The following BRCA2 variants were observed in gnomAD, a reference collection of about 807,000 sequenced individuals.
The protein encoded by BRCA2 is BRCA2 DNA repair associated, also known as breast cancer type 2 susceptibility protein.
BRCA2 carries 203 observed loss-of-function variants against 276.7 expected under a neutral mutation model. That is an observed-to-expected ratio of 0.73 (90% CI 0.65 to 0.82). The LOEUF (loss-of-function observed/expected upper bound fraction) is 0.82. Among genes scored for constraint, BRCA2 ranks in the 40% least tolerant of loss-of-function variants. The pLI is 0.00. For synonymous variants in BRCA2, 1,289 were observed against 1,338.4 expected, an observed-to-expected ratio of 0.96 and a Z score of 0.81; for missense variants, 3,920 against 3,915.0, an observed-to-expected ratio of 1.00 and a Z score of -0.03.
intron 13 of BRCA2, among the ~76,000 whole-genome samples, chr13:32,354,547 TG>T (rs1176879719): frequency 6.6e-6 from 1 of 151,934 alleles, no homozygotes; most frequent in Non-Finnish European, 1.5e-5. Flanking sequence ...GATGTGAAGG[TG>T]AGAGAAGAGG....
At chr13:32,354,464 G>A (rs2072672836) in intron 13 of BRCA2, among the ~76,000 whole-genome samples, 2 of 152,110 alleles carry the variant, frequency 1.3e-5, no homozygotes, top group African/African-American at 2.4e-5. Context: ...AAAAGGGAGC[G>A]AGGTGGGATA....
chr13:32,334,814 G>C (rs1187157519), intron 10 of BRCA2, among the ~76,000 whole-genome samples: 5 of 152,114 alleles, frequency 3.3e-5, no homozygotes, highest in Admixed American at 3.3e-4. Flanking sequence ...TACTGTTACT[G>C]CTCTATTTCT....
intron 3 of BRCA2, among the ~76,000 whole-genome samples, chr13:32,324,255 G>A (rs547188726): frequency 8.6e-4 from 131 of 152,282 alleles, no homozygotes; most frequent in African/African-American, 3.0e-3. Flanking sequence ...TCTGGAGGAG[G>A]TAGTTTCTAA....
rs11571634 is a variant in BRCA2, at chr13:32,330,317, C to T, written c.682-602C>T. ...GCAAAACCAGCTCATATGTCTTTCT[C>T]CTTCACAATCTCACAGATAGATTTG... On this transcript the variant is annotated intron_variant, in intron 8 of 26. Transcript: ENST00000380152. Among the ~76,000 whole-genome samples the T allele has an allele frequency of 1.5e-3, 236 of 152,350 alleles. 2 individuals are homozygous for T. Among genetic ancestry groups the T allele is most frequent in the South Asian group, 0.011 (52 of 4,830 alleles).
chr13:32,365,721 C>CTTTTTTTTTTTTTTTTTTTTTTTTCTT, intron 18 of BRCA2, among the ~76,000 whole-genome samples: 1 of 105,882 alleles, frequency 9.4e-6, no homozygotes, highest in Non-Finnish European at 1.9e-5. Flanking sequence ...ACTTTGGTGT[C>CTTTTTTTTTTTTTTTTTTTTTTTTCTT]TTTTTTTTTT....
intron 21 of BRCA2, among the ~76,000 whole-genome samples, chr13:32,378,949 C>T (rs2072892255): frequency 6.6e-6 from 1 of 152,138 alleles, no homozygotes; most frequent in South Asian, 2.1e-4. Flanking sequence ...ACCTACAACA[C>T]AGAAACAATG....
chr13:32,324,197 A>C (rs12429216), intron 3 of BRCA2, among the ~76,000 whole-genome samples: 2 of 152,176 alleles, frequency 1.3e-5, no homozygotes, highest in Admixed American at 1.3e-4. Flanking sequence ...TTCAGGGAAC[A>C]CATAGGGGGG....
Position 32,398,377 on chromosome 13 carries a change from A to G in BRCA2, c.9864A>G (p.Thr3288=), listed in dbSNP as rs778401681. 29 of 1,614,148 alleles carry G rather than the reference A, an allele frequency of 1.8e-5. No individual in the cohort carries two copies. The highest frequency in any genetic ancestry group is 3.3e-5 in the South Asian group (3 of 91,074). Residue 3288 remains threonine, a synonymous_variant, in exon 27 of 27, where the codon ACA becomes ACG. Transcript: ENST00000380152. ...CTCCACCTGTTAGTCCCATTTGTAC[A>G]TTTGTTTCTCCGGCTGCACAGAAGG... ...PLPPPVSPIC[T]FVSPAAQKAF... is the part of the protein sequence containing the mutation.
rs80358801 is a variant in BRCA2 at position 32,340,096 on chromosome 13, G to T, written c.5741G>T (p.Ser1914Ile). ...LHNSLDNDEC[S>I]THSHKVFADI... ...AACTCTCTAGATAATGATGAATGTA[G>T]CACGCATTCACATAAGGTTTTTGCT... The change falls in exon 11 of 27, where the codon AGC becomes ATC. Residue 1914 changes from serine to isoleucine, a missense_variant. By Grantham distance (142) the Ser-to-Ile change is moderately radical. Around this residue, in one of 2 missense-constraint regions of BRCA2, gnomAD observed 3,263 missense variants for 3,156.9 expected, o/e 1.03. Transcript: ENST00000380152. 1.2e-6 allele frequency: 2 copies of T among 1,613,776 alleles called. No homozygotes were observed. Among genetic ancestry groups the T allele is most frequent in the East Asian group, 4.5e-5 (2 of 44,856 alleles).
chr13:32,328,357 T>A (rs2072365179), intron 7 of BRCA2, among the ~76,000 whole-genome samples: 1 of 151,832 alleles, frequency 6.6e-6, no homozygotes, highest in African/African-American at 2.4e-5. Context: ...TTCTCCTGCC[T>A]TAGACTCCCG....
chr13:32,378,201 G>A (rs2072886877), intron 21 of BRCA2, among the ~76,000 whole-genome samples: 1 of 152,110 alleles, frequency 6.6e-6, no homozygotes, highest in Non-Finnish European at 1.5e-5. Context: ...ACATAAGGGG[G>A]CAGAATAAGA....
chr13:32,347,221 T>C (rs956832465), intron 13 of BRCA2, among the ~76,000 whole-genome samples: 1 of 152,128 alleles, frequency 6.6e-6, no homozygotes, highest in Admixed American at 6.6e-5. Context: ...TTATCTCTCC[T>C]CTCTAAACCT....
At chr13:32,320,962 T>A (rs1456228325) in intron 3 of BRCA2, among the ~76,000 whole-genome samples, 1 of 152,196 alleles carries the variant, frequency 6.6e-6, no homozygotes, top group Non-Finnish European at 1.5e-5. Context: ...CCCATGAGTC[T>A]ACATTTTAAA....
chr13:32,335,636 CA>C (rs1286950899), intron 10 of BRCA2, among the ~76,000 whole-genome samples: 1 of 151,782 alleles, frequency 6.6e-6, no homozygotes, highest in Non-Finnish European at 1.5e-5. Flanking sequence ...GAAATTTTTT[CA>C]ATTTTATTTT....
At chr13:32,318,512 G>T (rs1275052260) in intron 2 of BRCA2, among the ~76,000 whole-genome samples, 1 of 151,812 alleles carries the variant, frequency 6.6e-6, no homozygotes, top group Non-Finnish European at 1.5e-5. Context: ...CGTGATCTCG[G>T]CTCACTGCAA....
intron 16 of BRCA2, among the ~76,000 whole-genome samples, chr13:32,359,286 G>A (rs1342968096): frequency 2.0e-5 from 3 of 147,602 alleles, no homozygotes; most frequent in Non-Finnish European, 3.0e-5. Flanking sequence ...TTCCTCCCCC[G>A]ACACACACTT....
chr13:32,379,927 A>G lies in BRCA2; in HGVS notation c.9117+14A>G, dbSNP rs2137623997. The G allele has an allele frequency of 6.2e-7, 1 of 1,613,144 alleles. No homozygotes were observed. Among genetic ancestry groups the G allele is most frequent in the Non-Finnish European group, 8.5e-7 (1 of 1,179,348 alleles). On this transcript the variant is annotated intron_variant, in intron 23 of 26. Coordinates refer to ENST00000380152, the MANE Select transcript of BRCA2 (RefSeq NM_000059.4). ...CAACAACTACCGGTACAAACCTTTC[A>G]TTGTAATTTTTCAGTTTTGATAAGT...
At chr13:32,347,720 C>T (rs867892174) in intron 13 of BRCA2, among the ~76,000 whole-genome samples, 24 of 152,092 alleles carry the variant, frequency 1.6e-4, no homozygotes, top group Non-Finnish European at 3.4e-4. Context: ...GCCCTCTAGG[C>T]ATGAGACTGG....
At chr13:32,331,478 G>A (rs573804971) in intron 9 of BRCA2, among the ~76,000 whole-genome samples, 3 of 152,246 alleles carry the variant, frequency 2.0e-5, no homozygotes, top group South Asian at 2.1e-4. Context: ...TGGGAGGATC[G>A]CTTAAGCCCA....
Sources: allele counts gnomAD v4.1 joint callset (sites outside exome capture counted in the v4.1 genomes callset), GRCh38; gene constraint gnomAD v4.1.1; regional missense constraint gnomAD v4.1.1; transcripts MANE v1.5; gene names NCBI Gene and HGNC (gene_info 2026-07-23, HGNC 2026-07-21).